Variants in SPO11 observed in about 807,000 individuals in gnomAD.
SPO11 encodes the protein SPO11 initiator of meiotic double strand breaks.
In SPO11, 49 loss-of-function variants were observed where a neutral mutation model predicts 51.6. That is an observed-to-expected ratio of 0.95 (90% CI 0.75 to 1.20). The LOEUF is 1.20. SPO11 is among the 50% of genes most tolerant of loss of function. The pLI is 0.00. For missense variants in SPO11, 431 were observed against 473.4 expected (o/e 0.91, Z 0.83); for synonymous variants, 176 against 158.2 (o/e 1.11, Z -0.84).
At chr20:57,340,780 G>C (rs2066572655) in intron 11 of SPO11, among the ~76,000 whole-genome samples, 1 of 151,326 alleles carries the variant, frequency 6.6e-6, no homozygotes, top group Non-Finnish European at 1.5e-5. Flanking sequence ...AAAAAAAAAA[G>C]TACAATATAG....
Position 57,338,498 on chromosome 20 carries a change from C to A in SPO11, c.844+123C>A. On this transcript the variant is annotated intron_variant, in intron 9 of 12. Coordinates refer to ENST00000371263, the MANE Select transcript of SPO11 (RefSeq NM_012444.3). ...AGTCCTGCTCTGTCACCCAGGAGTGCAATGGCGCGATCTTGGCTCACTGCA... is the reference window on the plus strand; with the variant it reads ...AGTCCTGCTCTGTCACCCAGGAGTGAAATGGCGCGATCTTGGCTCACTGCA... The A allele has an allele frequency of 3.9e-5, 27 of 692,260 alleles. No homozygotes were observed. In the South Asian group the frequency reaches 5.4e-4, roughly 14 times the overall value. The allele number at this position is 692,260 out of a possible 1,614,324, so 42.9% of individuals were successfully genotyped here.
chr20:57,333,213 A>G lies in SPO11; in HGVS notation c.271A>G (p.Met91Val), dbSNP rs3736832. The change falls in exon 3 of 13, where the codon ATG becomes GTG. Residue 91 changes from methionine (M) to valine (V), a missense_variant. Transcript: ENST00000371263. ...GTTTGAAGATTCTGTGGGTCTTCAGATGGTATCCCATTGCACCACCAGAAA... is the reference window on the plus strand; with the variant it reads ...GTTTGAAGATTCTGTGGGTCTTCAGGTGGTATCCCATTGCACCACCAGAAA... ...IKFEDSVGLQ[M>V]VSHCTTRKIK... 99 of 1,605,916 alleles carry G rather than the reference A, an allele frequency of 6.2e-5. No individual in the cohort carries two copies. The East Asian group carries it at 2.2e-3, about 36-fold the overall frequency.
intron 11 of SPO11, 50 bp from the exon 12 acceptor site, chr20:57,342,679 A>T (rs1291204504): frequency 8.4e-7 from 1 of 1,184,864 alleles, no homozygotes; most frequent in African/African-American, 1.5e-5. Flanking sequence ...CAGGACATTC[A>T]AGTTACAGAA....
chr20:57,337,702 A>G (rs375092006), intron 8 of SPO11: 149 of 1,273,006 alleles, frequency 1.2e-4, no homozygotes, highest in Non-Finnish European at 1.3e-4. Context: ...CCAGTCCTTC[A>G]GTCTGTTTGT....
chr20:57,335,478 A>G, intron 7 of SPO11, 23 bp downstream of exon 7: 1 of 1,605,004 alleles, frequency 6.2e-7, no homozygotes. Context: ...TGGGAAAACT[A>G]TTTAAACTTT....
At chr20:57,334,608 C>T (rs2066489307) in intron 5 of SPO11, 142 bp from the exon 6 acceptor site, 2 of 595,794 alleles carry the variant, frequency 3.4e-6, no homozygotes, top group Non-Finnish European at 2.9e-6. Context: ...TTCCTAAATC[C>T]CTTACATATT....
chr20:57,338,487 A>C (rs1167462342), intron 9 of SPO11, 112 bp downstream of exon 9: 10 of 768,732 alleles, frequency 1.3e-5, no homozygotes, highest in Non-Finnish European at 2.0e-5. Context: ...CTGCTCTGTC[A>C]CCCAGGAGTG....
intron 7 of SPO11, 126 bp downstream of exon 7, chr20:57,335,581 A>G (rs972195518): frequency 5.5e-6 from 5 of 903,016 alleles, no homozygotes; most frequent in Non-Finnish European, 8.4e-6. Flanking sequence ...CAAGATGAAC[A>G]CACCATGGTC....
intron 1 of SPO11, among the ~76,000 whole-genome samples, chr20:57,331,130 T>A (rs186684695): frequency 6.4e-4 from 97 of 152,346 alleles, no homozygotes; most frequent in African/African-American, 2.3e-3. Context: ...AACAACATTT[T>A]TTGCAGCTGA....
At chr20:57,333,040 C>A in intron 2 of SPO11, 148 bp from the exon 3 acceptor site, 1 of 584,840 alleles carries the variant, frequency 1.7e-6, no homozygotes, top group Non-Finnish European at 3.0e-6. Context: ...GATCTATGCT[C>A]TCAAACCAGT....
chr20:57,338,239 C>T, intron 8 of SPO11, 37 bp from the exon 9 acceptor site: 1 of 1,381,450 alleles, frequency 7.2e-7, no homozygotes, highest in Non-Finnish European at 1.0e-6. Flanking sequence ...TTTTATTCTA[C>T]TGAAGTTAAA....
chr20:57,329,899 C>A lies in SPO11; in HGVS notation c.32C>A (p.Ser11Ter). MAFAPMGPEA[S>*]FFDVLDRHRE... is the part of the protein sequence containing the mutation. Reference sequence around the variant, plus strand: ...TTTGCACCTATGGGGCCCGAGGCCTCGTTCTTCGACGTTTTGGACCGACAC... The same window carrying A: ...TTTGCACCTATGGGGCCCGAGGCCTAGTTCTTCGACGTTTTGGACCGACAC... The change falls in exon 1 of 13, where the codon TCG (serine) becomes TAG (stop). Residue 11 changes from serine (S) to a stop codon, truncating the protein, a stop_gained. Transcript: ENST00000371263. LOFTEE classifies it high-confidence loss of function. 1.9e-6 allele frequency: 3 copies of A among 1,613,870 alleles called. No homozygotes were observed. The highest frequency in any genetic ancestry group is 2.5e-6 in the Non-Finnish European group (3 of 1,179,902).
In SPO11 at chr20:57,338,265, C is replaced by A; in HGVS notation, c.745-11C>A. ...TGAAGTTAAAATTCTTAATTTTCAT[C>A]TTCCTTTTAGGGAAAGGGAGTTCCT... On this transcript the variant is annotated splice_polypyrimidine_tract_variant and intron_variant, in intron 8 of 12. Transcript: ENST00000371263. 1.3e-6 allele frequency: 2 copies of A among 1,573,700 alleles called. No individual in the cohort carries two copies. Among genetic ancestry groups the A allele is most frequent in the South Asian group, 1.1e-5 (1 of 89,404 alleles).
intron 8 of SPO11, among the ~76,000 whole-genome samples, chr20:57,336,887 G>T (rs2146090516): frequency 6.6e-6 from 1 of 152,288 alleles, no homozygotes; most frequent in Non-Finnish European, 1.5e-5. Context: ...GCCTTAGGAG[G>T]TAGGTACTAA....
intron 12 of SPO11, among the ~76,000 whole-genome samples, chr20:57,343,045 G>A (rs1435350199): frequency 3.3e-5 from 5 of 152,080 alleles, no homozygotes; most frequent in Non-Finnish European, 5.9e-5. Flanking sequence ...TGGCCTGTTT[G>A]TATCCTTATC....
At chr20:57,340,236 C>G in intron 11 of SPO11, 58 bp downstream of exon 11, 1 of 1,161,750 alleles carries the variant, frequency 8.6e-7, no homozygotes, top group East Asian at 2.3e-5. Context: ...TCATATGTAA[C>G]AATAAGCCTA....
rs769932072 is a variant in SPO11 at position 57,334,072 on chromosome 20, G to A, written c.487G>A (p.Val163Met). ...CAATGACATTTCTTGCATGTTAAAA[G>A]TGTCAAGGAGGAGTCTACATATAGT... ...IINDISCMLK[V>M]SRRSLHILST... Residue 163 changes from valine (V) to methionine (M), a missense_variant, in exon 5 of 13, where the codon GTG becomes ATG. This residue lies in a region of SPO11 where 405 missense variants were observed against 425.9 expected (regional missense o/e 0.95). Coordinates refer to ENST00000371263, the MANE Select transcript of SPO11 (RefSeq NM_012444.3). The A allele has an allele frequency of 6.3e-7, 1 of 1,579,084 alleles. No individual in the cohort carries two copies. The highest frequency in any genetic ancestry group is 1.2e-5 in the South Asian group (1 of 85,126).
intron 10 of SPO11, among the ~76,000 whole-genome samples, chr20:57,339,599 AAT>A (rs1197532461): frequency 2.0e-5 from 3 of 152,208 alleles, no homozygotes; most frequent in African/African-American, 7.2e-5. Flanking sequence ...TGCATGGTGA[AAT>A]TTATAGCAGA....
chr20:57,337,041 T>C (rs28368086), intron 8 of SPO11, among the ~76,000 whole-genome samples: 3,748 of 152,238 alleles, frequency 0.025, 165 homozygotes, highest in African/African-American at 0.085. Flanking sequence ...TAGGCATATT[T>C]ATGCTGATTT....
Sources: gnomAD v4.1 joint callset for allele counts (sites outside exome capture counted in the v4.1 genomes callset) on GRCh38, gnomAD v4.1.1 for gene constraint, gnomAD v4.1.1 regional missense constraint, MANE v1.5 for transcripts, NCBI Gene and HGNC (gene_info 2026-07-23, HGNC 2026-07-21) for gene names.